CNTN5: variants seen among roughly 807,000 people sequenced by gnomAD.
CNTN5 encodes contactin 5, also known as contactin-5.
Under a neutral mutation model 129.1 loss-of-function variants are expected in CNTN5, and 77 were observed. The ratio of observed to expected loss-of-function variants is 0.60; its 90% CI spans 0.50 to 0.72. CNTN5 has a LOEUF of 0.72. Among genes scored for constraint, CNTN5 ranks in the 30% least tolerant of loss-of-function variants. The pLI, the probability that CNTN5 is intolerant of heterozygous loss-of-function variation, is 0.00. For synonymous variants in CNTN5, 509 were observed against 465.6 expected (o/e 1.09, Z -1.20); for missense variants, 1,478 against 1,328.8 (o/e 1.11, Z -1.75).
chr11:99,345,174 G>A (rs1289708996), intron 2 of CNTN5, among the ~76,000 whole-genome samples: 1 of 152,124 alleles, frequency 6.6e-6, no homozygotes, highest in Non-Finnish European at 1.5e-5. Flanking sequence ...ATATATGGAA[G>A]TATTTCATAT....
chr11:99,073,262 T>G (rs1397764215), intron 1 of CNTN5, among the ~76,000 whole-genome samples: 1 of 152,014 alleles, frequency 6.6e-6, no homozygotes, highest in African/African-American at 2.4e-5. Flanking sequence ...AGTCATAGAC[T>G]AAGAATATAC....
rs1951767859 is a variant in CNTN5, at chr11:99,641,472, A to G, written c.55+85203A>G. On this transcript the variant is annotated intron_variant, in intron 3 of 24. Coordinates refer to ENST00000524871, the MANE Select transcript of CNTN5 (RefSeq NM_014361.4). ...AAGTTCTCACCTCTGTATGGGACTG[A>G]AGACAGAGGGATTTAAAGGAGGAGA... Among the ~76,000 whole-genome samples the G allele has an allele frequency of 1.3e-5, 2 of 152,144 alleles. 1 individual carries two copies. Among genetic ancestry groups the G allele is most frequent in the South Asian group, 4.1e-4 (2 of 4,832 alleles).
intron 1 of CNTN5, among the ~76,000 whole-genome samples, chr11:99,293,947 C>T (rs1176499619): frequency 1.3e-5 from 2 of 151,642 alleles, no homozygotes; most frequent in Non-Finnish European, 2.9e-5. Flanking sequence ...TTTCCTTCTA[C>T]TAATTTTGAA....
intron 1 of CNTN5, among the ~76,000 whole-genome samples, chr11:99,136,103 T>G (rs1859204358): frequency 6.6e-6 from 1 of 152,182 alleles, no homozygotes; most frequent in Admixed American, 6.5e-5. Flanking sequence ...TTCTCCTTTC[T>G]TATAATGTAA....
intron 2 of CNTN5, among the ~76,000 whole-genome samples, chr11:99,431,811 T>C (rs1435754544): frequency 6.6e-6 from 1 of 152,160 alleles, no homozygotes; most frequent in Non-Finnish European, 1.5e-5. Context: ...AAGATAATTT[T>C]GAGGACTTGA....
chr11:99,456,887 T>A (rs528830104), intron 2 of CNTN5, among the ~76,000 whole-genome samples: 1 of 152,098 alleles, frequency 6.6e-6, no homozygotes, highest in Non-Finnish European at 1.5e-5. Flanking sequence ...TATTTTAATT[T>A]AAATATTTTA....
intron 1 of CNTN5, among the ~76,000 whole-genome samples, chr11:99,241,036 C>G (rs375302598): frequency 6.6e-6 from 1 of 152,114 alleles, no homozygotes; most frequent in Admixed American, 6.6e-5. Flanking sequence ...ACACACAATT[C>G]GAGATTCAAT....
At chr11:100,210,839 A>G (rs1394684168) in intron 15 of CNTN5, among the ~76,000 whole-genome samples, 1 of 152,230 alleles carries the variant, frequency 6.6e-6, no homozygotes, top group African/African-American at 2.4e-5. Context: ...GACTTTGGAA[A>G]TCAACTTAAC....
chr11:99,711,880 A>G (rs2134962071), intron 3 of CNTN5, among the ~76,000 whole-genome samples: 1 of 152,164 alleles, frequency 6.6e-6, no homozygotes, highest in African/African-American at 2.4e-5. Context: ...CCAGTCTATC[A>G]TTGATGGGTA....
chr11:99,915,912 T>A (rs78779843), intron 6 of CNTN5, 142 bp from the exon 7 acceptor site: 13,631 of 620,598 alleles, frequency 0.022, 215 homozygotes, highest in Non-Finnish European at 0.028. Context: ...GATGTAGATA[T>A]ATGTTAAAGC....
intron 18 of CNTN5, among the ~76,000 whole-genome samples, chr11:100,291,791 AAT>A (rs1950984211): frequency 1.9e-5 from 1 of 54,020 alleles, no homozygotes; most frequent in Non-Finnish European, 6.7e-5. Context: ...ATAAATAAAA[AAT>A]ATAAATAAAT....
chr11:99,291,369 C>G (rs1864164093), intron 1 of CNTN5, among the ~76,000 whole-genome samples: 1 of 151,796 alleles, frequency 6.6e-6, no homozygotes. Flanking sequence ...AATAACAACA[C>G]TGGTAGATAA....
chr11:100,292,799 G>A (rs1217502844), intron 18 of CNTN5, among the ~76,000 whole-genome samples: 3 of 151,930 alleles, frequency 2.0e-5, no homozygotes, highest in African/African-American at 7.2e-5. Flanking sequence ...AATTCGTAGC[G>A]AGACTAGTTT....
intron 16 of CNTN5, among the ~76,000 whole-genome samples, chr11:100,250,157 T>A (rs1315388826): frequency 2.0e-5 from 3 of 152,048 alleles, no homozygotes; most frequent in Non-Finnish European, 4.4e-5. Context: ...AGGATTATTT[T>A]CTTCATTCAT....
chr11:99,485,114 T>C lies in CNTN5; in HGVS notation c.-70-71031T>C, dbSNP rs148564337. On this transcript the variant is annotated intron_variant, in intron 2 of 24. Transcript: ENST00000524871. The stretch of plus-strand genomic sequence containing the variant: ...AATGGTAAATATTTGATGGATATGC[T>C]AATTATTCTGATCTGATCACTAGAC... Among the ~76,000 whole-genome samples, 10 of 152,220 alleles carry C rather than the reference T, an allele frequency of 6.6e-5. 1 individual carries two copies. The East Asian group carries it at 1.9e-3, about 29-fold the overall frequency.
chr11:99,537,553 T>G (rs1362619961), intron 2 of CNTN5, among the ~76,000 whole-genome samples: 2 of 152,142 alleles, frequency 1.3e-5, no homozygotes, highest in Non-Finnish European at 2.9e-5. Flanking sequence ...CCTTCTTCGC[T>G]TCTCTTATTT....
At chr11:100,027,406 TGTTAAG>T (rs1360880135) in intron 9 of CNTN5, among the ~76,000 whole-genome samples, 2 of 152,206 alleles carry the variant, frequency 1.3e-5, no homozygotes, top group South Asian at 2.1e-4. Flanking sequence ...TTTTCCCCAC[TGTTAAG>T]GTTAAGACCT....
intron 3 of CNTN5, among the ~76,000 whole-genome samples, chr11:99,746,402 ACT>A (rs772219747): frequency 1.3e-5 from 2 of 151,854 alleles, no homozygotes; most frequent in Non-Finnish European, 2.9e-5. Flanking sequence ...TTATTTCCAG[ACT>A]CTCTATTGTG....
intron 7 of CNTN5, among the ~76,000 whole-genome samples, chr11:99,948,412 T>C (rs1280682036): frequency 6.6e-6 from 1 of 152,322 alleles, no homozygotes; most frequent in Admixed American, 6.5e-5. Context: ...ATGGTTTAAT[T>C]ACAGTGTGAC....
Sources: allele counts gnomAD v4.1 joint callset (sites outside exome capture counted in the v4.1 genomes callset), GRCh38; gene constraint gnomAD v4.1.1; transcripts MANE v1.5; gene names NCBI Gene and HGNC (gene_info 2026-07-23, HGNC 2026-07-21).